Variants in MAP1LC3B observed in about 807,000 individuals in gnomAD.
MAP1LC3B encodes microtubule-associated protein 1 light chain 3 beta.
In MAP1LC3B, 12 loss-of-function variants were observed where a neutral mutation model predicts 16.7. That is an observed-to-expected ratio of 0.72 (90% CI 0.46 to 1.16). The LOEUF is 1.16. Ranked by LOEUF, MAP1LC3B falls within the 50% of genes most tolerant of loss-of-function variation. The probability of loss-of-function intolerance (pLI) is 0.00; values close to 1 mark genes in which losing one functional copy is unlikely to be tolerated. For missense variants in MAP1LC3B, 155 were observed against 159.5 expected, an observed-to-expected ratio of 0.97 and a Z score of 0.15; for synonymous variants, 63 against 56.5, an observed-to-expected ratio of 1.11 and a Z score of -0.51.
At position 87,402,987 on chromosome 16, in the gene MAP1LC3B, A is replaced by C; in HGVS notation, c.268A>C (p.Ser90Arg). ...FLLVNGHSMV[S>R]VSTPISEVYE... ...GTTGGTGAACGGACACAGCATGGTC[A>C]GCGTCTCCACACCAATCTCAGAGGT... Residue 90 changes from serine (S) to arginine (R), a missense_variant, in exon 4 of 4, where the codon AGC becomes CGC. Coordinates refer to ENST00000268607, the MANE Select transcript of MAP1LC3B (RefSeq NM_022818.5). 1 of 1,614,080 alleles carries C rather than the reference A, an allele frequency of 6.2e-7. No homozygotes were observed. The highest frequency in any genetic ancestry group is 8.5e-7 in the Non-Finnish European group (1 of 1,179,916).
intron 1 of MAP1LC3B, chr16:87,392,693 T>A: frequency 4.4e-6 from 1 of 228,352 alleles, no homozygotes; most frequent in Non-Finnish European, 7.7e-6. Context: ...CGGGGCGGCC[T>A]GCGGACCTCT....
chr16:87,394,716 T>G (rs1907739196), intron 1 of MAP1LC3B, among the ~76,000 whole-genome samples: 1 of 152,138 alleles, frequency 6.6e-6, no homozygotes, highest in Admixed American at 6.5e-5. Flanking sequence ...GGACCAAGAC[T>G]GTGTGAGTCA....
At chr16:87,402,424 T>A in intron 3 of MAP1LC3B, 143 bp downstream of exon 3, 1 of 779,066 alleles carries the variant, frequency 1.3e-6, no homozygotes, top group Non-Finnish European at 2.0e-6. Context: ...CAGTTATGAT[T>A]AAAACAATTT....
intron 2 of MAP1LC3B, among the ~76,000 whole-genome samples, chr16:87,400,950 T>C (rs889955005): frequency 2.6e-5 from 4 of 151,944 alleles, no homozygotes; most frequent in African/African-American, 9.7e-5. Flanking sequence ...CTGACCAACA[T>C]GGTGAAACCC....
intron 1 of MAP1LC3B, among the ~76,000 whole-genome samples, chr16:87,394,827 C>G (rs766281682): frequency 6.8e-6 from 1 of 148,056 alleles, no homozygotes; most frequent in Non-Finnish European, 1.5e-5. Context: ...AATCCCAGCA[C>G]TTTGGGAGGC....
chr16:87,393,230 CGTGCAG>C (rs1907669935), intron 1 of MAP1LC3B: 1 of 152,278 alleles, frequency 6.6e-6, no homozygotes, highest in African/African-American at 2.4e-5. Flanking sequence ...TTTGGTTAAA[CGTGCAG>C]GTGTCACCAT....
chr16:87,402,735 T>C (rs1218333646), intron 3 of MAP1LC3B, 188 bp from the exon 4 acceptor site: 3 of 709,926 alleles, frequency 4.2e-6, no homozygotes, highest in Non-Finnish European at 6.8e-6. Context: ...TAATATGTAA[T>C]CTTTCAGTGA....
intron 2 of MAP1LC3B, 131 bp downstream of exon 2, chr16:87,399,001 A>C (rs1464143318): frequency 2.7e-6 from 2 of 739,684 alleles, no homozygotes; most frequent in Non-Finnish European, 4.8e-6. Flanking sequence ...TTCACAACCT[A>C]GAGAGAGGTA....
chr16:87,397,968 A>C (rs1907864020), intron 1 of MAP1LC3B, among the ~76,000 whole-genome samples: 1 of 151,446 alleles, frequency 6.6e-6, no homozygotes, highest in Non-Finnish European at 1.5e-5. Context: ...TATTGCCCAC[A>C]GTCTAGTACA....
Position 87,402,228 on chromosome 16 carries a change from A to G in MAP1LC3B, c.150A>G (p.Thr50=). 1.2e-6 allele frequency: 2 copies of G among 1,614,202 alleles called. No homozygotes were observed. Among genetic ancestry groups the G allele is most frequent in the Non-Finnish European group, 1.7e-6 (2 of 1,180,028 alleles). Residue 50 remains threonine, a synonymous_variant, in exon 3 of 4, where the codon ACA becomes ACG. Coordinates refer to ENST00000268607, the MANE Select transcript of MAP1LC3B (RefSeq NM_022818.5). ...AGCAGCTTCCTGTTCTGGATAAAAC[A>G]AAGTTCCTTGTACCTGACCATGTCA... ...GEKQLPVLDK[T]KFLVPDHVNM... is the part of the protein sequence containing the mutation.
rs555923201 is a variant in MAP1LC3B, at chr16:87,399,622, A to G, written c.96+752A>G. The G allele has an allele frequency of 1.1e-5, 5 of 455,902 alleles. No individual in the cohort carries two copies. The East Asian group carries it at 2.8e-4, about 25-fold the overall frequency. 28.2% of individuals were successfully genotyped at this position (455,902 alleles called of 1,614,324 possible). A position where few individuals can be genotyped will look rare whatever the true frequency, so the allele number is the denominator to read the frequency against. ...GGGTGGAAGAATTACTGTATATAGA[A>G]AAGATGTCCGCAGCGTTCAGTAAAC... is the stretch of plus-strand genomic sequence containing the variant. On this transcript the variant is annotated intron_variant, in intron 2 of 3. Transcript: ENST00000268607.
chr16:87,402,435 CAACTTA>C (rs1258568661), intron 3 of MAP1LC3B, 154 bp downstream of exon 3: 22 of 719,074 alleles, frequency 3.1e-5, no homozygotes, highest in Non-Finnish European at 4.9e-5. Context: ...AAAACAATTT[CAACTTA>C]AACTATAAAA....
rs1908063735 is a variant in MAP1LC3B at position 87,403,320 on chromosome 16, G to C, written c.*223G>C. 5.0e-6 allele frequency: 2 copies of C among 398,010 alleles called. No individual in the cohort carries two copies. The highest frequency in any genetic ancestry group is 4.6e-6 in the Non-Finnish European group (1 of 216,252). The allele number at this position is 398,010 out of a possible 1,614,324, so 24.7% of individuals were successfully genotyped here. A position where few individuals can be genotyped will look rare whatever the true frequency, so the allele number is the denominator to read the frequency against. ...AAACTATATTATTTAATGTAGGCTAGCTTGTTTTCAAATTTTAAAAGTTTA... is the reference window on the plus strand; with the variant it reads ...AAACTATATTATTTAATGTAGGCTACCTTGTTTTCAAATTTTAAAAGTTTA... On this transcript the variant is annotated 3_prime_UTR_variant, in exon 4 of 4. Transcript: ENST00000268607.
At chr16:87,400,809 G>A (rs1907965053) in intron 2 of MAP1LC3B, among the ~76,000 whole-genome samples, 2 of 151,400 alleles carry the variant, frequency 1.3e-5, no homozygotes, top group African/African-American at 4.9e-5. Flanking sequence ...CTGAGTCACC[G>A]TGGCTCCCAA....
chr16:87,402,981 A>G lies in MAP1LC3B; in HGVS notation c.262A>G (p.Met88Val), dbSNP rs1198385032. 1 of 1,614,042 alleles carries G rather than the reference A, an allele frequency of 6.2e-7. No homozygotes were observed. Among genetic ancestry groups the G allele is most frequent in the South Asian group, 1.1e-5 (1 of 91,080 alleles). Reference sequence around the variant, plus strand: ...CTTCCTGTTGGTGAACGGACACAGCATGGTCAGCGTCTCCACACCAATCTC... The same window carrying G: ...CTTCCTGTTGGTGAACGGACACAGCGTGGTCAGCGTCTCCACACCAATCTC... ...AFFLLVNGHS[M>V]VSVSTPISEV... The change falls in exon 4 of 4, where the codon ATG (methionine) becomes GTG (valine). Residue 88 changes from methionine to valine, a missense_variant. By Grantham distance (21) the Met-to-Val change is conservative. Transcript: ENST00000268607.
At chr16:87,395,068 T>A (rs1310974967) in intron 1 of MAP1LC3B, among the ~76,000 whole-genome samples, 1 of 152,188 alleles carries the variant, frequency 6.6e-6, no homozygotes, top group Non-Finnish European at 1.5e-5. Context: ...GTGCTTCAGT[T>A]TCTCTCTGAG....
chr16:87,401,398 G>A (rs1028041479), intron 2 of MAP1LC3B, among the ~76,000 whole-genome samples: 1 of 152,206 alleles, frequency 6.6e-6, no homozygotes, highest in Admixed American at 6.5e-5. Context: ...GTAAGGGGTA[G>A]ATGTCTAAGC....
intron 1 of MAP1LC3B, 100 bp from the exon 2 acceptor site, chr16:87,398,715 G>A (rs1907887641): frequency 6.0e-6 from 6 of 1,005,528 alleles, no homozygotes; most frequent in Non-Finnish European, 9.4e-6. Flanking sequence ...GTTCTGCTGT[G>A]CCACAGCTAG....
chr16:87,394,764 T>C (rs543230081), intron 1 of MAP1LC3B, among the ~76,000 whole-genome samples: 1 of 152,340 alleles, frequency 6.6e-6, no homozygotes, highest in Non-Finnish European at 1.5e-5. Context: ...GTTGGAAATA[T>C]TGAATGAACT....
Sources: gnomAD v4.1 joint callset for allele counts (sites outside exome capture counted in the v4.1 genomes callset) on GRCh38, gnomAD v4.1.1 for gene constraint, MANE v1.5 for transcripts, NCBI Gene and HGNC (gene_info 2026-07-23, HGNC 2026-07-21) for gene names.